The following PRKCH variants were observed in gnomAD, a reference collection of about 807,000 sequenced individuals.
The protein encoded by PRKCH is protein kinase C eta type.
Under a neutral mutation model 82.5 loss-of-function variants are expected in PRKCH, and 28 were observed. The ratio of observed to expected loss-of-function variants is 0.34; its 90% confidence interval spans 0.25 to 0.47. The LOEUF (loss-of-function observed/expected upper bound fraction) is 0.47. PRKCH is among the 20% of genes least tolerant of loss of function. The pLI is 1.00. For missense variants in PRKCH, 705 were observed against 881.8 expected, an observed-to-expected ratio of 0.80 and a Z score of 2.54; for synonymous variants, 322 against 327.4, an observed-to-expected ratio of 0.98 and a Z score of 0.18.
intron 10 of PRKCH, 21 bp downstream of exon 10, chr14:61,485,677 T>C: frequency 1.2e-6 from 2 of 1,604,982 alleles, no homozygotes; most frequent in Non-Finnish European, 1.7e-6. Context: ...GTTGCTGCCC[T>C]GTCTTCTAAT....
intron 6 of PRKCH, 143 bp downstream of exon 6, chr14:61,451,114 A>G (rs1369724986): frequency 7.0e-6 from 8 of 1,145,014 alleles, no homozygotes; most frequent in Non-Finnish European, 8.4e-6. Context: ...TTTTAAACTT[A>G]CATGTTTCTT....
At position 61,549,193 on chromosome 14, in the gene PRKCH, T is replaced by G. The variant is rs139980626; in HGVS notation, c.1906-492T>G. 1.1e-3 allele frequency among the ~76,000 whole-genome samples: 163 copies of G among 152,284 alleles called. 1 individual carries two copies. Among genetic ancestry groups the G allele is most frequent in the African/African-American group, 3.8e-3 (157 of 41,564 alleles). On this transcript the variant is annotated intron_variant, in intron 13 of 13. Coordinates refer to ENST00000332981, the MANE Select transcript of PRKCH (RefSeq NM_006255.5). The stretch of plus-strand genomic sequence containing the variant: ...TAACGCATCTACCTAGAGAGTAAAA[T>G]GACCAACAGTTGTTCCCTAAGCTCA...
chr14:61,395,733 CT>C (rs2046769530), intron 2 of PRKCH, among the ~76,000 whole-genome samples: 1 of 152,152 alleles, frequency 6.6e-6, no homozygotes, highest in African/African-American at 2.4e-5. Flanking sequence ...GTCATTTCCC[CT>C]ACCCCTGCCC....
rs752849179 is a variant in PRKCH at position 61,453,360 on chromosome 14, CTT to C, written c.960+9_960+10del. On this transcript the variant is annotated splice_region_variant and intron_variant, in intron 7 of 13. Transcript: ENST00000332981. ...AAATATTTCTCCAACCTCGGTGAGA[CTT>C]TGCTTTTTTTCCATGTCTCGTAATT... The C allele has an allele frequency of 6.8e-6, 11 of 1,610,416 alleles. No homozygotes were observed. The highest frequency in any genetic ancestry group is 8.5e-6 in the Non-Finnish European group (10 of 1,177,626).
intron 7 of PRKCH, 59 bp from the exon 8 acceptor site, chr14:61,457,117 G>T (rs1269235027): frequency 9.0e-5 from 142 of 1,582,886 alleles, no homozygotes; most frequent in Non-Finnish European, 1.2e-4. Flanking sequence ...TCTTCTTCGT[G>T]CATGGGTGCT....
At chr14:61,535,531 T>TG (rs1238965563) in intron 12 of PRKCH, among the ~76,000 whole-genome samples, 2 of 152,134 alleles carry the variant, frequency 1.3e-5, no homozygotes, top group Admixed American at 1.3e-4. Flanking sequence ...AGTAGCTCAA[T>TG]GGCAGGCGGG....
At chr14:61,373,197 G>A (rs2046385877) in intron 1 of PRKCH, among the ~76,000 whole-genome samples, 1 of 151,920 alleles carries the variant, frequency 6.6e-6, no homozygotes, top group Non-Finnish European at 1.5e-5. Flanking sequence ...ACTTGAGACT[G>A]GGTAATCTAT....
At chr14:61,479,701 TC>T (rs1047008115) in intron 9 of PRKCH, among the ~76,000 whole-genome samples, 11 of 152,324 alleles carry the variant, frequency 7.2e-5, no homozygotes, top group African/African-American at 2.6e-4. Context: ...CAGCCATTAT[TC>T]GGGGGATATT....
intron 2 of PRKCH, among the ~76,000 whole-genome samples, chr14:61,440,925 C>CTTTTT (rs71117817): frequency 6.8e-6 from 1 of 147,354 alleles, no homozygotes; most frequent in African/African-American, 2.5e-5. Context: ...CATTTTTTTT[C>CTTTTT]TTTTTTTTTT....
chr14:61,273,673 G>A (rs962671255), intron 1 of PRKCH, among the ~76,000 whole-genome samples: 10 of 152,198 alleles, frequency 6.6e-5, no homozygotes, highest in African/African-American at 2.2e-4. Context: ...AAGTTATCCA[G>A]ATGGGATACG....
chr14:61,227,817 C>T (rs1390269626), intron 1 of PRKCH, among the ~76,000 whole-genome samples: 2 of 151,988 alleles, frequency 1.3e-5, no homozygotes, highest in African/African-American at 2.4e-5. Context: ...CCTGAGCAGC[C>T]AGATGTTAGC....
At chr14:61,537,076 A>T (rs1347284824) in intron 12 of PRKCH, among the ~76,000 whole-genome samples, 2 of 152,196 alleles carry the variant, frequency 1.3e-5, no homozygotes, top group Non-Finnish European at 2.9e-5. Flanking sequence ...ATTAACCAGT[A>T]ATCGCACATC....
intron 1 of PRKCH, among the ~76,000 whole-genome samples, chr14:61,331,537 A>G (rs187903766): frequency 3.9e-5 from 6 of 152,190 alleles, no homozygotes; most frequent in Admixed American, 3.3e-4. Context: ...AGAAACAACA[A>G]CAACAACAAA....
chr14:61,443,687 G>C (rs59644323), intron 3 of PRKCH, among the ~76,000 whole-genome samples: 2 of 152,178 alleles, frequency 1.3e-5, no homozygotes, highest in African/African-American at 4.8e-5. Context: ...ACACAAAGTA[G>C]TCTTCGGCCT....
At position 61,282,329 on chromosome 14, in the gene PRKCH, C is replaced by G. The variant is rs1042985676; in HGVS notation, c.-19+94661C>G. ...AAACATATACAAGGGGGTATTGGGA[C>G]GTTCTGATTTCTTACTAAATCTAAA... is the stretch of plus-strand genomic sequence containing the variant. On this transcript the variant is annotated intron_variant, in intron 1 of 3. Coordinates refer to the PRKCH transcript ENST00000555185. 2.7e-5 allele frequency among the ~76,000 whole-genome samples: 4 copies of G among 147,126 alleles called. No homozygotes were observed. The South Asian group carries it at 6.4e-4, about 24-fold the overall frequency.
At chr14:61,483,280 A>G (rs963048211) in intron 9 of PRKCH, among the ~76,000 whole-genome samples, 1 of 152,180 alleles carries the variant, frequency 6.6e-6, no homozygotes, top group Non-Finnish European at 1.5e-5. Context: ...AATCCTTCCC[A>G]TTTAGAAAAT....
chr14:61,258,656 C>T (rs1479416230), intron 1 of PRKCH, among the ~76,000 whole-genome samples: 1 of 152,104 alleles, frequency 6.6e-6, no homozygotes, highest in Non-Finnish European at 1.5e-5. Flanking sequence ...TACTTCAATC[C>T]TCCAATTAAA....
intron 1 of PRKCH, among the ~76,000 whole-genome samples, chr14:61,332,678 A>G (rs1412640166): frequency 1.3e-5 from 2 of 152,240 alleles, no homozygotes; most frequent in Non-Finnish European, 2.9e-5. Flanking sequence ...CAGAGTGAGC[A>G]TATTCTATAC....
At chr14:61,213,967 TA>T (rs2044600307) in intron 1 of PRKCH, among the ~76,000 whole-genome samples, 1 of 152,192 alleles carries the variant, frequency 6.6e-6, no homozygotes, top group Admixed American at 6.5e-5. Context: ...AGAGACAACT[TA>T]GAGGCACACA....
Sources: allele counts gnomAD v4.1 joint callset (sites outside exome capture counted in the v4.1 genomes callset), GRCh38; gene constraint gnomAD v4.1.1; transcripts MANE v1.5; gene names NCBI Gene and HGNC (gene_info 2026-07-23, HGNC 2026-07-21).